Variants in PRUNE2 observed in about 807,000 individuals in gnomAD.
PRUNE2 encodes prune homolog 2 with BCH domain.
A neutral mutation model predicts 252.0 loss-of-function variants in PRUNE2; 164 were observed. That is an observed-to-expected ratio of 0.65 (90% CI 0.57 to 0.74). PRUNE2 has a LOEUF of 0.74. PRUNE2 is among the 30% of genes least tolerant of loss of function. The pLI, the probability that PRUNE2 is intolerant of heterozygous loss-of-function variation, is 0.00. For missense variants in PRUNE2, 3,495 were observed against 3,711.0 expected, an observed-to-expected ratio of 0.94 and a Z score of 1.51; for synonymous variants, 1,292 against 1,350.2, an observed-to-expected ratio of 0.96 and a Z score of 0.94.
intron 6 of PRUNE2, among the ~76,000 whole-genome samples, chr9:76,719,107 G>A (rs111642200): frequency 3.1e-4 from 47 of 151,888 alleles, no homozygotes; most frequent in African/African-American, 1.1e-3. Flanking sequence ...TAGCATCAAG[G>A]GGCAGCTTTA....
At position 76,734,705 on chromosome 9, in the gene PRUNE2, G is replaced by A. The variant is rs111469928; in HGVS notation, c.757-20984C>T. On this transcript the variant is annotated intron_variant, in intron 6 of 18. Coordinates refer to ENST00000376718, the MANE Select transcript of PRUNE2 (RefSeq NM_015225.3). The stretch of plus-strand genomic sequence containing the variant: ...GGAATCCTCCTAACTTCATATGGCT[G>A]ACATGGGGCTGTCTTTACCCCTAAC... Among the ~76,000 whole-genome samples, 261 of 152,290 alleles carry A rather than the reference G, an allele frequency of 1.7e-3. 1 individual carries two copies. Among genetic ancestry groups the A allele is most frequent in the African/African-American group, 5.5e-3 (228 of 41,556 alleles).
chr9:76,776,166 G>C (rs2053710562), intron 6 of PRUNE2, among the ~76,000 whole-genome samples: 1 of 152,172 alleles, frequency 6.6e-6, no homozygotes, highest in Non-Finnish European at 1.5e-5. Flanking sequence ...ATTTTAGGGG[G>C]TACAAGTGCA....
chr9:76,756,684 G>A (rs1297887324), intron 6 of PRUNE2, among the ~76,000 whole-genome samples: 1 of 152,214 alleles, frequency 6.6e-6, no homozygotes, highest in Non-Finnish European at 1.5e-5. Context: ...ATGAGGAAAA[G>A]GCAGGTTATT....
At chr9:76,888,774 C>T (rs1469374165) in intron 1 of PRUNE2, among the ~76,000 whole-genome samples, 1 of 152,018 alleles carries the variant, frequency 6.6e-6, no homozygotes, top group Non-Finnish European at 1.5e-5. Flanking sequence ...AGAAGCTCTG[C>T]ACTCCCTAAA....
intron 9 of PRUNE2, among the ~76,000 whole-genome samples, chr9:76,658,807 T>A (rs1286487819): frequency 6.6e-6 from 1 of 152,246 alleles, no homozygotes; most frequent in Admixed American, 6.5e-5. Flanking sequence ...GTTTCTTTGC[T>A]GGATGGTACT....
At chr9:76,721,162 A>G (rs1319844361) in intron 6 of PRUNE2, among the ~76,000 whole-genome samples, 1 of 152,228 alleles carries the variant, frequency 6.6e-6, no homozygotes, top group Non-Finnish European at 1.5e-5. Flanking sequence ...CAAATTTTCT[A>G]TCCTTAATTC....
intron 6 of PRUNE2, among the ~76,000 whole-genome samples, chr9:76,722,224 ATTTTTTT>A (rs57390775): frequency 7.7e-6 from 1 of 130,556 alleles, no homozygotes; most frequent in Non-Finnish European, 1.7e-5. Flanking sequence ...ACACCCTGCT[ATTTTTTT>A]TTTTTTTTTT....
intron 15 of PRUNE2, among the ~76,000 whole-genome samples, chr9:76,630,975 C>T (rs1837384485): frequency 6.6e-6 from 1 of 152,222 alleles, no homozygotes; most frequent in African/African-American, 2.4e-5. Flanking sequence ...TTGTGTTCAA[C>T]TACTATGCAT....
intron 6 of PRUNE2, among the ~76,000 whole-genome samples, chr9:76,782,058 C>A (rs948586917): frequency 6.6e-6 from 1 of 152,018 alleles, no homozygotes; most frequent in Non-Finnish European, 1.5e-5. Flanking sequence ...ACTAAAAATA[C>A]AAAAAATTAG....
chr9:76,708,489 G>T lies in PRUNE2; in HGVS notation c.3785C>A (p.Thr1262Asn). 6.2e-7 allele frequency: 1 copy of T among 1,613,940 alleles called. No individual in the cohort carries two copies. Among genetic ancestry groups the T allele is most frequent in the Middle Eastern group, 1.7e-4 (1 of 6,060 alleles). The change falls in exon 8 of 19, where the codon ACT (threonine) becomes AAT (asparagine). Residue 1262 changes from threonine (T) to asparagine (N), a missense_variant. By Grantham distance (65) the Thr-to-Asn change is moderately conservative. Coordinates refer to ENST00000376718, the MANE Select transcript of PRUNE2 (RefSeq NM_015225.3). The stretch of plus-strand genomic sequence containing the variant: ...GGCTGCTGGCGCATCTGGGGAATGA[G>T]TGTCTTTAACATTTGCTGAATGGCT... ...IPSHSANVKD[T>N]HSPDAPAASG...
At chr9:76,720,591 C>T (rs12552182) in intron 6 of PRUNE2, among the ~76,000 whole-genome samples, 32,541 of 151,380 alleles carry the variant, frequency 0.21, 4,036 homozygotes, top group East Asian at 0.57. Context: ...AGCCTCTTTC[C>T]TTTCCTGTTT....
intron 17 of PRUNE2, among the ~76,000 whole-genome samples, chr9:76,622,506 C>T (rs574985781): frequency 6.6e-6 from 1 of 152,062 alleles, no homozygotes; most frequent in Non-Finnish European, 1.5e-5. Context: ...TGTTCTTTCC[C>T]CCATCTTTTG....
intron 1 of PRUNE2, among the ~76,000 whole-genome samples, chr9:76,868,271 T>C (rs1486571920): frequency 6.6e-6 from 1 of 151,812 alleles, no homozygotes; most frequent in Admixed American, 6.6e-5. Context: ...AAAGCTATGA[T>C]ACCATTCGAA....
chr9:76,627,576 G>A (rs1005590873), intron 16 of PRUNE2, among the ~76,000 whole-genome samples: 1 of 152,072 alleles, frequency 6.6e-6, no homozygotes, highest in African/African-American at 2.4e-5. Context: ...GTTTGATTCA[G>A]CTGAGCCCAG....
Position 76,705,152 on chromosome 9 carries a change from AT to A in PRUNE2, c.7121del (p.Tyr2374LeufsTer12). The A allele has an allele frequency of 6.2e-7, 1 of 1,614,004 alleles. No individual in the cohort carries two copies. The highest frequency in any genetic ancestry group is 1.1e-5 in the South Asian group (1 of 91,078). On this transcript the variant is annotated frameshift_variant, in exon 8 of 19. Coordinates refer to ENST00000376718, the MANE Select transcript of PRUNE2 (RefSeq NM_015225.3). LOFTEE classifies it high-confidence loss of function. ...CTTCCTCCAAAGGAGGGTCACCACCATACAGGAAGTGTTCAGGCTCTCTCAG... is the reference window on the plus strand; with the variant it reads ...CTTCCTCCAAAGGAGGGTCACCACCAACAGGAAGTGTTCAGGCTCTCTCAG... ...DLLREPEHFL[Y>X]GGDPPLEEDS...
chr9:76,702,774 T>G (rs944574198), intron 9 of PRUNE2, among the ~76,000 whole-genome samples: 1 of 152,158 alleles, frequency 6.6e-6, no homozygotes, highest in Non-Finnish European at 1.5e-5. Context: ...GCCTTGTATT[T>G]GAAAATATGA....
intron 3 of PRUNE2, among the ~76,000 whole-genome samples, chr9:76,848,474 A>C (rs910503116): frequency 3.3e-5 from 5 of 152,248 alleles, no homozygotes; most frequent in Admixed American, 2.0e-4. Flanking sequence ...AAAACTCCTC[A>C]TAAGTAAATG....
At chr9:76,777,624 C>T (rs1813904861) in intron 6 of PRUNE2, among the ~76,000 whole-genome samples, 1 of 152,142 alleles carries the variant, frequency 6.6e-6, no homozygotes, top group African/African-American at 2.4e-5. Flanking sequence ...GACAAAAATC[C>T]CTACCCTCGT....
rs756796173 is a variant in PRUNE2, at chr9:76,614,574, G to A, written c.9263C>T (p.Pro3088Leu). ...KDIDLKLKEK[P>L] ...CTCTTCTTCCAGCATGGCCAACTAA[G>A]GCTTTTCTTTCAGCTTCAAGTCAAT... The change falls in exon 19 of 19, where the codon CCT (proline) becomes CTT (leucine). Residue 3088 changes from proline (P) to leucine (L), a missense_variant. Coordinates refer to ENST00000376718, the MANE Select transcript of PRUNE2 (RefSeq NM_015225.3). The A allele has an allele frequency of 3.1e-6, 5 of 1,612,394 alleles. No homozygotes were observed. In the East Asian group the frequency reaches 1.1e-4, roughly 36 times the overall value.
Sources: allele counts gnomAD v4.1 joint callset (sites outside exome capture counted in the v4.1 genomes callset), GRCh38; gene constraint gnomAD v4.1.1; transcripts MANE v1.5; gene names NCBI Gene and HGNC (gene_info 2026-07-23, HGNC 2026-07-21).